Variants in SLC25A15 observed in about 807,000 individuals in gnomAD.
SLC25A15 encodes solute carrier family 25 member 15.
In SLC25A15, 24 loss-of-function variants were observed where a neutral mutation model predicts 32.3. That is an observed-to-expected ratio of 0.74 (90% CI 0.54 to 1.04). The LOEUF is 1.04. Among genes scored for constraint, SLC25A15 ranks in the 50% least tolerant of loss-of-function variants. SLC25A15 has a pLI of 0.00. For missense variants in SLC25A15, 317 were observed against 374.5 expected (o/e 0.85, Z 1.27); for synonymous variants, 132 against 142.1 (o/e 0.93, Z 0.51).
At chr13:40,790,805 T>G (rs1402755181) in intron 1 of SLC25A15, among the ~76,000 whole-genome samples, 1 of 152,216 alleles carries the variant, frequency 6.6e-6, no homozygotes, top group Non-Finnish European at 1.5e-5. Context: ...CAGGCTGGTC[T>G]CGAACTCCCG....
intron 2 of SLC25A15, among the ~76,000 whole-genome samples, chr13:40,795,869 G>A (rs902723880): frequency 2.4e-4 from 37 of 152,184 alleles, no homozygotes; most frequent in Non-Finnish European, 4.7e-4. Flanking sequence ...GCCCACAGAG[G>A]AGCAGTAGAT....
Position 40,809,526 on chromosome 13 carries a change from G to A in SLC25A15, c.782-17G>A, listed in dbSNP as rs375356896. ...GGAGGGATTGTTGCAGTCTTTGACC[G>A]CCCTTTTATTTGCTAGGAATAACGG... is the stretch of plus-strand genomic sequence containing the variant. On this transcript the variant is annotated splice_polypyrimidine_tract_variant and intron_variant, in intron 6 of 6. Transcript: ENST00000338625. 5.7e-5 allele frequency: 92 copies of A among 1,611,782 alleles called. No individual in the cohort carries two copies. Among genetic ancestry groups the A allele is most frequent in the Non-Finnish European group, 7.2e-5 (85 of 1,179,780 alleles).
chr13:40,807,384 A>G lies in SLC25A15; in HGVS notation c.543A>G (p.Val181=). 6.2e-7 allele frequency: 1 copy of G among 1,614,172 alleles called. No individual in the cohort carries two copies. Among genetic ancestry groups the G allele is most frequent in the Non-Finnish European group, 8.5e-7 (1 of 1,180,020 alleles). The change falls in exon 5 of 7, where the codon GTA becomes GTG. Residue 181 remains valine (V), a synonymous_variant. Coordinates refer to ENST00000338625, the MANE Select transcript of SLC25A15 (RefSeq NM_014252.4). ...TCTCAAGCACTTTACTTCGAGAAGT[A>G]CCAGGCTATTTCTTCTTCTTCGGTG... The part of the protein sequence containing the change: ...HGLSSTLLRE[V]PGYFFFFGGY...
intron 3 of SLC25A15, among the ~76,000 whole-genome samples, chr13:40,803,510 A>C (rs1881984748): frequency 6.6e-6 from 1 of 152,206 alleles, no homozygotes; most frequent in South Asian, 2.1e-4. Context: ...TTGAACTCTT[A>C]CTGGATTCCA....
rs148422923 is a variant in SLC25A15 at position 40,809,622 on chromosome 13, C to T, written c.861C>T (p.Tyr287=). 2.5e-5 allele frequency: 41 copies of T among 1,612,402 alleles called. 1 individual carries two copies. The African/African-American group carries it at 2.9e-4, about 12-fold the overall frequency. Residue 287 remains tyrosine (Y), a synonymous_variant, in exon 7 of 7, where the codon TAC becomes TAT. Coordinates refer to ENST00000338625, the MANE Select transcript of SLC25A15 (RefSeq NM_014252.4). ...FPANGALFLA[Y]EYSRKLMMNQ... Reference sequence around the variant, plus strand: ...CCAATGGAGCACTCTTTTTGGCCTACGAATATAGCAGGAAGTTGATGATGA... The same window carrying T: ...CCAATGGAGCACTCTTTTTGGCCTATGAATATAGCAGGAAGTTGATGATGA...
Position 40,812,096 on chromosome 13 carries a change from A to C in SLC25A15, c.*2429A>C, listed in dbSNP as rs1882480076. ...AGCTACTGAGTGGTGCTTTATCTGA[A>C]TAGGCCTGGATCGAAGTAAAATAGA... is the stretch of plus-strand genomic sequence containing the variant. On this transcript the variant is annotated 3_prime_UTR_variant, in exon 7 of 7. Coordinates refer to ENST00000338625, the MANE Select transcript of SLC25A15 (RefSeq NM_014252.4). Among the ~76,000 whole-genome samples the C allele has an allele frequency of 6.6e-6, 1 of 152,208 alleles. No homozygotes were observed. The highest frequency in any genetic ancestry group is 2.1e-4 in the South Asian group (1 of 4,834).
intron 2 of SLC25A15, 70 bp downstream of exon 2, chr13:40,793,351 G>T (rs1470799029): frequency 2.3e-6 from 3 of 1,278,948 alleles, no homozygotes; most frequent in Non-Finnish European, 3.4e-6. Context: ...GGTCCCATGA[G>T]ATTATACTAC....
At chr13:40,808,625 T>C in intron 6 of SLC25A15, 29 bp downstream of exon 6, 1 of 1,586,078 alleles carries the variant, frequency 6.3e-7, no homozygotes, top group Non-Finnish European at 8.5e-7. Context: ...TTCAAGCATC[T>C]ATATACATCT....
intron 2 of SLC25A15, among the ~76,000 whole-genome samples, 197 bp downstream of exon 2, chr13:40,793,478 GA>G (rs1881578827): frequency 6.6e-6 from 1 of 152,206 alleles, no homozygotes; most frequent in Non-Finnish European, 1.5e-5. Context: ...TATAGCCTAG[GA>G]GCAATAGGCC....
Position 40,808,571 on chromosome 13 carries a change from C to T in SLC25A15, c.756C>T (p.Thr252=), listed in dbSNP as rs11618618. The T allele has an allele frequency of 1.9e-5, 31 of 1,607,154 alleles. No individual in the cohort carries two copies. The highest frequency in any genetic ancestry group is 6.7e-5 in the Admixed American group (4 of 59,974). The change falls in exon 6 of 7, where the codon ACC becomes ACT. Residue 252 remains threonine (T), a synonymous_variant. Coordinates refer to ENST00000338625, the MANE Select transcript of SLC25A15 (RefSeq NM_014252.4). The part of the protein sequence containing the change: ...MSGKQAGFIR[T]FINVVKNEGI... ...GAAAACAGGCAGGATTTATCAGAAC[C>T]TTTATAAATGTTGTGAAAAATGAAG...
rs1249421666 is a variant in SLC25A15 at position 40,811,168 on chromosome 13, AT to A, written c.*1502del. On this transcript the variant is annotated 3_prime_UTR_variant, in exon 7 of 7. Transcript: ENST00000338625. Reference sequence around the variant, plus strand: ...TCTTAATGATGACTGTATATGTGATATGAGTTTATAAAGCAATGGAACATAA... The same window carrying A: ...TCTTAATGATGACTGTATATGTGATAGAGTTTATAAAGCAATGGAACATAA... 6.6e-6 allele frequency among the ~76,000 whole-genome samples: 1 copy of A among 152,216 alleles called. No individual in the cohort carries two copies. Among genetic ancestry groups the A allele is most frequent in the Non-Finnish European group, 1.5e-5 (1 of 68,036 alleles).
intron 3 of SLC25A15, among the ~76,000 whole-genome samples, chr13:40,803,840 G>GGTTGGATT (rs1882009846): frequency 6.6e-6 from 1 of 152,216 alleles, no homozygotes; most frequent in Non-Finnish European, 1.5e-5. Flanking sequence ...GGTTGCTCCA[G>GGTTGGATT]GTTGGATTGT....
At chr13:40,804,542 C>G (rs868214126) in intron 3 of SLC25A15, among the ~76,000 whole-genome samples, 2 of 114,506 alleles carry the variant, frequency 1.7e-5, no homozygotes. Context: ...TTCCTTTCAT[C>G]ATTTTTTTTT....
intron 4 of SLC25A15, among the ~76,000 whole-genome samples, chr13:40,805,866 C>G (rs1882153679): frequency 6.6e-6 from 1 of 152,228 alleles, no homozygotes. Flanking sequence ...AGTACTGTTT[C>G]ATACACAATT....
At chr13:40,804,085 G>A (rs1882029518) in intron 3 of SLC25A15, among the ~76,000 whole-genome samples, 1 of 152,134 alleles carries the variant, frequency 6.6e-6, no homozygotes, top group Non-Finnish European at 1.5e-5. Flanking sequence ...CAGTTCTATG[G>A]TCTGAAAAGT....
Position 40,811,535 on chromosome 13 carries a change from G to A in SLC25A15, c.*1868G>A, listed in dbSNP as rs1311867811. On this transcript the variant is annotated 3_prime_UTR_variant, in exon 7 of 7. Transcript: ENST00000338625. The stretch of plus-strand genomic sequence containing the variant: ...GCAATTGTACTTCACTATGCCATAT[G>A]TATGTATTCACTGACCAAAAATTCA... Among the ~76,000 whole-genome samples the A allele has an allele frequency of 2.0e-5, 3 of 152,004 alleles. No individual in the cohort carries two copies. Among genetic ancestry groups the A allele is most frequent in the Non-Finnish European group, 4.4e-5 (3 of 67,992 alleles).
At chr13:40,805,356 T>C in intron 4 of SLC25A15, 101 bp downstream of exon 4, 2 of 1,314,856 alleles carry the variant, frequency 1.5e-6, no homozygotes, top group South Asian at 1.2e-5. Context: ...TGGAAGCCAA[T>C]TTATCTACTC....
At chr13:40,793,525 A>G (rs1447119989) in intron 2 of SLC25A15, among the ~76,000 whole-genome samples, 1 of 152,226 alleles carries the variant, frequency 6.6e-6, no homozygotes, top group Non-Finnish European at 1.5e-5. Flanking sequence ...AGGCTACGCC[A>G]TCTAGGGTCA....
chr13:40,805,230 T>A lies in SLC25A15; in HGVS notation c.427T>A (p.Ser143Thr). 1 of 1,614,160 alleles carries A rather than the reference T, an allele frequency of 6.2e-7. No individual in the cohort carries two copies. Residue 143 changes from serine (S) to threonine (T), a missense_variant, in exon 4 of 7, where the codon TCA becomes ACA. Coordinates refer to ENST00000338625, the MANE Select transcript of SLC25A15 (RefSeq NM_014252.4). ...RLQTMYEMET[S>T]GKIAKSQNTV... The stretch of plus-strand genomic sequence containing the variant: ...GCAGACCATGTATGAGATGGAGACA[T>A]CAGGGAAGATAGCCAAGAGCCAGAA...
Sources: allele counts gnomAD v4.1 joint callset (sites outside exome capture counted in the v4.1 genomes callset), GRCh38; gene constraint gnomAD v4.1.1; transcripts MANE v1.5; gene names NCBI Gene and HGNC (gene_info 2026-07-23, HGNC 2026-07-21).